FOXN4: variants seen among roughly 807,000 people sequenced by gnomAD.
The protein encoded by FOXN4 is forkhead box protein N4.
Under a neutral mutation model 45.0 loss-of-function variants are expected in FOXN4, and 12 were observed. The ratio of observed to expected loss-of-function variants is 0.27; its 90% CI spans 0.17 to 0.43. The LOEUF (loss-of-function observed/expected upper bound fraction) is 0.43. FOXN4 is among the 20% of genes least tolerant of loss of function. FOXN4 has a pLI of 1.00. For missense variants in FOXN4, 560 were observed against 694.9 expected (o/e 0.81, Z 2.18); for synonymous variants, 297 against 295.0 (o/e 1.01, Z -0.07).
chr12:109,295,068 T>G (rs2047803959), intron 2 of FOXN4, among the ~76,000 whole-genome samples: 1 of 152,046 alleles, frequency 6.6e-6, no homozygotes, highest in African/African-American at 2.4e-5. Context: ...ACCTGTAAAA[T>G]GGGCATGAGT....
At chr12:109,285,096 G>T (rs935762285) in intron 8 of FOXN4, among the ~76,000 whole-genome samples, 2 of 149,188 alleles carry the variant, frequency 1.3e-5, no homozygotes, top group Admixed American at 1.3e-4. Context: ...CCCATGCTCC[G>T]GTGGATGGCA....
chr12:109,308,171 TAAACAGCATAC>T, intron 2 of FOXN4, 54 bp downstream of exon 2: 3 of 1,310,352 alleles, frequency 2.3e-6, no homozygotes, highest in Non-Finnish European at 3.2e-6. Flanking sequence ...TCAGAAACCA[TAAACAGCATAC>T]AAACACTTTG....
chr12:109,284,883 C>T (rs1253137387), intron 8 of FOXN4, among the ~76,000 whole-genome samples: 20 of 118,022 alleles, frequency 1.7e-4, no homozygotes, highest in African/African-American at 4.7e-4. Context: ...TGTGTGTGCA[C>T]GCATGTGTGT....
rs1739568324 is a variant in FOXN4 at position 109,290,389 on chromosome 12, C to T, written c.87-103G>A. 7.2e-7 allele frequency: 1 copy of T among 1,385,706 alleles called. No individual in the cohort carries two copies. 85.8% of individuals were successfully genotyped at this position (1,385,706 alleles called of 1,614,324 possible). A position where few individuals can be genotyped will look rare whatever the true frequency, so the allele number is the denominator to read the frequency against. On this transcript the variant is annotated intron_variant, in intron 2 of 9. Coordinates refer to ENST00000299162, the MANE Select transcript of FOXN4 (RefSeq NM_213596.3). This position sits in a 1 kb window ranked among gnomAD's most constrained non-coding sequence, Gnocchi z 5.1. The stretch of plus-strand genomic sequence containing the variant: ...GCACCCGCTTAATGTGCCTCATCTC[C>T]CCAAGCCACGCCAGCCCTCCAACCT...
At position 109,278,055 on chromosome 12, in the gene FOXN4, C is replaced by CT. The variant is rs1321236189; in HGVS notation, c.*1615dup. 6.6e-6 allele frequency: 1 copy of CT among 152,234 alleles called. No homozygotes were observed. The highest frequency in any genetic ancestry group is 1.5e-5 in the Non-Finnish European group (1 of 68,052). The allele number at this position is 152,234 out of a possible 1,614,324, so 9.4% of individuals were successfully genotyped here. ...TCTTGATGTTGCCCAAACACGGAGT[C>CT]TTTGTGAATAACAGTTTCAACATCT... is the stretch of plus-strand genomic sequence containing the variant. On this transcript the variant is annotated 3_prime_UTR_variant, in exon 10 of 10. Transcript: ENST00000299162.
At chr12:109,298,358 C>CTTTGT (rs1427443195) in intron 2 of FOXN4, among the ~76,000 whole-genome samples, 1 of 103,728 alleles carries the variant, frequency 9.6e-6, no homozygotes, top group Non-Finnish European at 2.0e-5. Context: ...TTTTTTTTTG[C>CTTTGT]TTTGTTTTGT....
intron 2 of FOXN4, among the ~76,000 whole-genome samples, chr12:109,301,802 G>A (rs949518778): frequency 1.3e-5 from 2 of 152,242 alleles, no homozygotes; most frequent in African/African-American, 4.8e-5. Flanking sequence ...TTAGCACCTG[G>A]CATAGGACCT....
rs146932080 is a variant in FOXN4 at position 109,286,281 on chromosome 12, C to G, written c.693+367G>C. ...GCAGGATCCTCACTGACCCTGCCAG[C>G]TTGGGATGATTCTCCACCCCTGACA... On this transcript the variant is annotated intron_variant, in intron 7 of 9. Coordinates refer to ENST00000299162, the MANE Select transcript of FOXN4 (RefSeq NM_213596.3). Among the ~76,000 whole-genome samples, 834 of 152,320 alleles carry G rather than the reference C, an allele frequency of 5.5e-3. 1 individual carries two copies. The highest frequency in any genetic ancestry group is 8.7e-3 in the Non-Finnish European group (594 of 68,030).
intron 2 of FOXN4, among the ~76,000 whole-genome samples, chr12:109,292,011 G>A (rs764917378): frequency 2.6e-5 from 4 of 152,176 alleles, no homozygotes; most frequent in East Asian, 1.9e-4. Flanking sequence ...CCACGGCCCC[G>A]GGCCTGGGCG....
At chr12:109,282,753 G>C (rs1022807874) in intron 8 of FOXN4, among the ~76,000 whole-genome samples, 19 of 152,290 alleles carry the variant, frequency 1.2e-4, no homozygotes, top group Non-Finnish European at 2.2e-4. Context: ...TTTGATTAAT[G>C]GCTATGTCTT....
At chr12:109,301,321 G>A (rs892144903) in intron 2 of FOXN4, among the ~76,000 whole-genome samples, 2 of 152,178 alleles carry the variant, frequency 1.3e-5, no homozygotes, top group Admixed American at 6.5e-5. Context: ...TTGGCTCCAG[G>A]TAGGCACTGG....
chr12:109,294,817 CCT>C (rs1187864499), intron 2 of FOXN4, among the ~76,000 whole-genome samples: 1 of 152,152 alleles, frequency 6.6e-6, no homozygotes, highest in Non-Finnish European at 1.5e-5. Context: ...AGCACGTGCC[CCT>C]CTCCACAGTG....
chr12:109,283,890 T>C (rs2047676592), intron 8 of FOXN4, among the ~76,000 whole-genome samples: 1 of 152,266 alleles, frequency 6.6e-6, no homozygotes, highest in African/African-American at 2.4e-5. Flanking sequence ...TGGACTGCTT[T>C]CTGTGTTTCA....
chr12:109,296,332 C>T (rs1338503284), intron 2 of FOXN4, among the ~76,000 whole-genome samples: 1 of 152,230 alleles, frequency 6.6e-6, no homozygotes, highest in Non-Finnish European at 1.5e-5. Context: ...TGACAAGCCT[C>T]CGTTGCACTA....
chr12:109,296,730 A>G (rs954851520), intron 2 of FOXN4, among the ~76,000 whole-genome samples: 2 of 152,186 alleles, frequency 1.3e-5, no homozygotes, highest in Admixed American at 6.5e-5. Flanking sequence ...TGCCCAGCAC[A>G]GGGCCGGGCA....
At chr12:109,304,652 G>A (rs531518581) in intron 2 of FOXN4, among the ~76,000 whole-genome samples, 6 of 150,524 alleles carry the variant, frequency 4.0e-5, no homozygotes, top group South Asian at 2.1e-4. Flanking sequence ...TGCTGCCCCC[G>A]CCCTCCTGCA....
chr12:109,291,885 GTCCCA>G lies in FOXN4; in HGVS notation c.87-1604_87-1600del. On this transcript the variant is annotated intron_variant, in intron 2 of 9. Coordinates refer to ENST00000299162, the MANE Select transcript of FOXN4 (RefSeq NM_213596.3). The surrounding 1 kb of genome is among the most constrained non-coding windows in gnomAD (Gnocchi z 6.6). ...GCCCCTGTGGCACGTGGCCCCCATTGTCCCAGGGTCTCAGTGCAATTGTTTCTGCA... is the reference window on the plus strand; with the variant it reads ...GCCCCTGTGGCACGTGGCCCCCATTGGGGTCTCAGTGCAATTGTTTCTGCA... 6.6e-6 allele frequency among the ~76,000 whole-genome samples: 1 copy of G among 152,214 alleles called. No individual in the cohort carries two copies. The highest frequency in any genetic ancestry group is 2.1e-4 in the South Asian group (1 of 4,822).
intron 8 of FOXN4, 57 bp from the exon 9 acceptor site, chr12:109,281,856 CCCAGG>C: frequency 6.7e-7 from 1 of 1,497,926 alleles, no homozygotes; most frequent in Non-Finnish European, 8.8e-7. Flanking sequence ...CGGGCCCCAG[CCCAGG>C]CCTGGGTTCA....
At chr12:109,284,643 G>C (rs538853106) in intron 8 of FOXN4, among the ~76,000 whole-genome samples, 1 of 152,020 alleles carries the variant, frequency 6.6e-6, no homozygotes, top group Admixed American at 6.5e-5. Context: ...ATGGTGGCTA[G>C]GTCCTTCCTC....
Sources: gnomAD v4.1 joint callset for allele counts (sites outside exome capture counted in the v4.1 genomes callset) on GRCh38, gnomAD v4.1.1 for gene constraint, Gnocchi (gnomAD v3.1) non-coding constraint, MANE v1.5 for transcripts, NCBI Gene and HGNC (gene_info 2026-07-23, HGNC 2026-07-21) for gene names.